Variants in ZNF268 observed in about 807,000 individuals in gnomAD.
ZNF268 encodes zinc finger protein 268, also known as zinc finger protein 3.
ZNF268 carries 20 observed loss-of-function variants against 29.3 expected under a neutral mutation model. The observed-to-expected ratio is 0.68, with a 90% confidence interval of 0.48 to 0.99. The LOEUF is 0.99. Ranked by LOEUF, ZNF268 falls within the 50% of genes least tolerant of loss-of-function variation. The pLI is 0.00. For missense variants in ZNF268, 1,240 were observed against 1,121.6 expected (o/e 1.11, Z -1.51); for synonymous variants, 429 against 376.9 (o/e 1.14, Z -1.60).
intron 2 of ZNF268, 65 bp downstream of exon 2, chr12:133,182,095 TC>T (rs1389445133): frequency 2.0e-6 from 3 of 1,486,074 alleles, no homozygotes; most frequent in Non-Finnish European, 2.7e-6. Flanking sequence ...GCGCACTCCA[TC>T]TACTCCAGTC....
Position 133,202,846 on chromosome 12 carries a change from CAT to C in ZNF268, c.1163_1164del (p.Tyr388CysfsTer3), listed in dbSNP as rs1196717790. ...CAGAAAACTCATTCAGGACAGAAAC[CAT>C]ATGTGTGTAATGAATGTGGGAAAGC... is the stretch of plus-strand genomic sequence containing the variant. On this transcript the variant is annotated frameshift_variant, in exon 6 of 6. Transcript: ENST00000536435. LOFTEE classifies it low-confidence loss of function (END_TRUNC). The C allele has an allele frequency of 6.3e-6, 10 of 1,586,984 alleles. No homozygotes were observed. Among genetic ancestry groups the C allele is most frequent in the Non-Finnish European group, 6.8e-6 (8 of 1,169,228 alleles).
chr12:133,210,666 A>G lies in ZNF268; in HGVS notation c.*6136A>G. The G allele has an allele frequency of 2.8e-6, 1 of 359,444 alleles. No homozygotes were observed. Among genetic ancestry groups the G allele is most frequent in the Non-Finnish European group, 5.5e-6 (1 of 180,294 alleles). The allele number at this position is 359,444 out of a possible 1,614,324, so 22.3% of individuals were successfully genotyped here. ...CCTCGGGGGTCTCCGGGTCCTGAGTAGAAGCAAGGTCTGTTTGTCACTGTG... is the reference window on the plus strand; with the variant it reads ...CCTCGGGGGTCTCCGGGTCCTGAGTGGAAGCAAGGTCTGTTTGTCACTGTG... On this transcript the variant is annotated 3_prime_UTR_variant, in exon 6 of 6. Coordinates refer to ENST00000536435, the MANE Select transcript of ZNF268 (RefSeq NM_003415.3).
chr12:133,200,828 A>G (rs1956736029), intron 5 of ZNF268, among the ~76,000 whole-genome samples: 1 of 152,064 alleles, frequency 6.6e-6, no homozygotes, highest in African/African-American at 2.4e-5. Flanking sequence ...TAACCAGCTT[A>G]TTCTGCTAGA....
chr12:133,209,784 GC>G lies in ZNF268; in HGVS notation c.*5257del, dbSNP rs1217842383. 1 of 152,142 alleles carries G rather than the reference GC, an allele frequency of 6.6e-6. No homozygotes were observed. The highest frequency in any genetic ancestry group is 2.4e-5 in the African/African-American group (1 of 41,360). 9.4% of individuals were successfully genotyped at this position (152,142 alleles called of 1,614,324 possible). ...GCTGAGATTGTGCCATTGCACTCCA[GC>G]CCGGGCAGCAGAGTGAGACTCCTTC... is the stretch of plus-strand genomic sequence containing the variant. On this transcript the variant is annotated 3_prime_UTR_variant, in exon 6 of 6. Coordinates refer to ENST00000536435, the MANE Select transcript of ZNF268 (RefSeq NM_003415.3).
intron 5 of ZNF268, chr12:133,193,642 C>G (rs561685813): frequency 2.0e-5 from 9 of 460,214 alleles, no homozygotes; most frequent in African/African-American, 1.2e-4. Context: ...TTAATCTTCT[C>G]TTAATACCAC....
chr12:133,204,326 T>G lies in ZNF268; in HGVS notation c.2640T>G (p.Ile880Met). 7 of 1,564,614 alleles carry G rather than the reference T, an allele frequency of 4.5e-6. No individual in the cohort carries two copies. The highest frequency in any genetic ancestry group is 6.0e-6 in the Non-Finnish European group (7 of 1,158,448). ...GKAFIRNSQL[I>M]VHQRTHSGEK... Reference sequence around the variant, plus strand: ...CCTTCATTAGGAATTCTCAACTCATTGTACATCAAAGAACTCATTCAGGAG... The same window carrying G: ...CCTTCATTAGGAATTCTCAACTCATGGTACATCAAAGAACTCATTCAGGAG... The change falls in exon 6 of 6, where the codon ATT becomes ATG. Residue 880 changes from isoleucine (I) to methionine (M), a missense_variant. Physicochemically the swap from Ile to Met is conservative, Grantham distance 10. Coordinates refer to ENST00000536435, the MANE Select transcript of ZNF268 (RefSeq NM_003415.3).
chr12:133,198,170 C>T (rs1271051920), intron 5 of ZNF268, among the ~76,000 whole-genome samples: 1 of 147,666 alleles, frequency 6.8e-6, no homozygotes, highest in African/African-American at 2.5e-5. Flanking sequence ...GGTTTTAGGT[C>T]TAACGTTTAA....
At chr12:133,184,022 A>G (rs1257202625) in intron 2 of ZNF268, among the ~76,000 whole-genome samples, 2 of 152,190 alleles carry the variant, frequency 1.3e-5, no homozygotes, top group Non-Finnish European at 2.9e-5. Flanking sequence ...AACTTATAAC[A>G]GATACTACTT....
chr12:133,204,476 T>A lies in ZNF268; in HGVS notation c.2790T>A (p.Cys930Ter). 6.5e-7 allele frequency: 1 copy of A among 1,546,840 alleles called. No individual in the cohort carries two copies. The highest frequency in any genetic ancestry group is 8.7e-7 in the Non-Finnish European group (1 of 1,151,836). ...CKCTECGKAF[C>*]WKSQLIMHQR... ...GCACTGAATGTGGGAAAGCCTTTTG[T>A]TGGAAGTCACAGCTCATTATGCATC... Residue 930 changes from cysteine to a stop codon, truncating the protein, a stop_gained, in exon 6 of 6, where the codon TGT (cysteine) becomes TGA (stop). Transcript: ENST00000536435. LOFTEE classifies it high-confidence loss of function.
chr12:133,202,097 C>T (rs745393468), intron 5 of ZNF268, 47 bp from the exon 6 acceptor site: 14 of 1,442,342 alleles, frequency 9.7e-6, no homozygotes, highest in South Asian at 7.2e-5. Flanking sequence ...TCTAGTATAC[C>T]GCAATCATGT....
At chr12:133,185,647 A>G (rs1956294489) in intron 2 of ZNF268, among the ~76,000 whole-genome samples, 1 of 152,164 alleles carries the variant, frequency 6.6e-6, no homozygotes, top group African/African-American at 2.4e-5. Flanking sequence ...GCGCTAAGAC[A>G]GGGAGCAACG....
intron 5 of ZNF268, among the ~76,000 whole-genome samples, chr12:133,197,824 C>T (rs1363126906): frequency 5.9e-5 from 9 of 152,138 alleles, no homozygotes; most frequent in Admixed American, 2.6e-4. Flanking sequence ...TTTTTGGCTG[C>T]ATAAATGTCT....
rs775121291 is a variant in ZNF268, at chr12:133,202,677, C to A, written c.991C>A (p.Leu331Ile). The change falls in exon 6 of 6, where the codon CTA (leucine) becomes ATA (isoleucine). Residue 331 changes from leucine (L) to isoleucine (I), a missense_variant. Leu to Ile is a conservative substitution (Grantham distance 5, BLOSUM62 2). This residue lies in a region of ZNF268 where 1,177 missense variants were observed against 1,039.6 expected (regional missense o/e 1.13). Coordinates refer to ENST00000536435, the MANE Select transcript of ZNF268 (RefSeq NM_003415.3). Reference protein sequence around the residue: ...VHQRIHTGEKLHECSECRKTF... With the variant: ...VHQRIHTGEKIHECSECRKTF... ...TCAGAGAATTCATACAGGAGAGAAA[C>A]TACATGAATGCAGTGAATGCAGGAA... 1 of 1,608,800 alleles carries A rather than the reference C, an allele frequency of 6.2e-7. No homozygotes were observed. Among genetic ancestry groups the A allele is most frequent in the Non-Finnish European group, 8.5e-7 (1 of 1,177,320 alleles).
At chr12:133,197,606 T>C (rs1320521578) in intron 5 of ZNF268, among the ~76,000 whole-genome samples, 2 of 152,316 alleles carry the variant, frequency 1.3e-5, no homozygotes, top group East Asian at 3.9e-4. Flanking sequence ...CCCTGAGGAA[T>C]TGCCACACTG....
At chr12:133,184,626 T>C (rs1566363063) in intron 2 of ZNF268, 3 of 314,108 alleles carry the variant, frequency 9.6e-6, no homozygotes, top group Non-Finnish European at 2.0e-5. Flanking sequence ...TATTTATTTG[T>C]TTATTTTTTT....
At chr12:133,186,429 C>T (rs12146704) in intron 2 of ZNF268, among the ~76,000 whole-genome samples, 1 of 150,092 alleles carries the variant, frequency 6.7e-6, no homozygotes, top group Non-Finnish European at 1.5e-5. Flanking sequence ...GTTGCCCAGG[C>T]TGGAGTACAG....
In ZNF268 at chr12:133,211,269, A is replaced by G; in HGVS notation, c.*6739A>G. ...CCAATTAAAAATGGGGACAGATCCAAATACATACTTTCCAAAGATATACAG... is the reference window on the plus strand; with the variant it reads ...CCAATTAAAAATGGGGACAGATCCAGATACATACTTTCCAAAGATATACAG... On this transcript the variant is annotated 3_prime_UTR_variant, in exon 6 of 6. Coordinates refer to ENST00000536435, the MANE Select transcript of ZNF268 (RefSeq NM_003415.3). The G allele has an allele frequency of 2.8e-6, 1 of 352,802 alleles. No individual in the cohort carries two copies. Among genetic ancestry groups the G allele is most frequent in the Non-Finnish European group, 5.5e-6 (1 of 180,388 alleles). The allele number at this position is 352,802 out of a possible 1,614,324, so 21.9% of individuals were successfully genotyped here. A position where few individuals can be genotyped will look rare whatever the true frequency, so the allele number is the denominator to read the frequency against.
Position 133,207,337 on chromosome 12 carries a change from AAAAATCCATATTTGTGAACATAGGTTT to A in ZNF268, c.*2812_*2838del, listed in dbSNP as rs1956917624. 1 of 151,734 alleles carries A rather than the reference AAAAATCCATATTTGTGAACATAGGTTT, an allele frequency of 6.6e-6. No homozygotes were observed. Among genetic ancestry groups the A allele is most frequent in the African/African-American group, 2.4e-5 (1 of 41,334 alleles). The allele number at this position is 151,734 out of a possible 1,614,324, so 9.4% of individuals were successfully genotyped here. On this transcript the variant is annotated 3_prime_UTR_variant, in exon 6 of 6. Transcript: ENST00000536435. ...AATCCATATTTGTGAACATAGGTTT[AAAAATCCATATTTGTGAACATAGGTTT>A]AAAAATTCTAAATGGAATTATAGCA... is the stretch of plus-strand genomic sequence containing the variant.
At position 133,205,015 on chromosome 12, in the gene ZNF268, C is replaced by CA. The variant is rs1322282972; in HGVS notation, c.*485_*486insA. 1.3e-5 allele frequency: 2 copies of CA among 151,978 alleles called. No individual in the cohort carries two copies. Among genetic ancestry groups the CA allele is most frequent in the Non-Finnish European group, 2.9e-5 (2 of 68,396 alleles). 9.4% of individuals were successfully genotyped at this position (151,978 alleles called of 1,614,324 possible). A position where few individuals can be genotyped will look rare whatever the true frequency, so the allele number is the denominator to read the frequency against. The stretch of plus-strand genomic sequence containing the variant: ...AAGCATATACCTTGGAGGGACCATG[C>CA]TATAAGGGAAAGTGTAAATCTAGAA... On this transcript the variant is annotated 3_prime_UTR_variant, in exon 6 of 6. Transcript: ENST00000536435.
Sources: gnomAD v4.1 joint callset for allele counts (sites outside exome capture counted in the v4.1 genomes callset) on GRCh38, gnomAD v4.1.1 for gene constraint, gnomAD v4.1.1 regional missense constraint, MANE v1.5 for transcripts, NCBI Gene and HGNC (gene_info 2026-07-23, HGNC 2026-07-21) for gene names.